Variants in FRYL observed in about 807,000 individuals in gnomAD.
FRYL encodes the protein FRY like transcription coactivator.
FRYL carries 150 observed loss-of-function variants against 351.2 expected under a neutral mutation model. That is an observed-to-expected ratio of 0.43 (90% CI 0.37 to 0.49). FRYL has a LOEUF of 0.49. FRYL is among the 20% of genes least tolerant of loss of function. The probability of loss-of-function intolerance (pLI) is 0.00; values close to 1 mark genes in which losing one functional copy is unlikely to be tolerated. For missense variants in FRYL, 3,036 were observed against 3,619.3 expected (o/e 0.84, Z 4.13); for synonymous variants, 1,153 against 1,257.1 (o/e 0.92, Z 1.75).
At chr4:48,547,828 C>T (rs2148970463) in intron 40 of FRYL, 59 bp from the exon 41 acceptor site, 3 of 1,123,484 alleles carry the variant, frequency 2.7e-6, no homozygotes, top group East Asian at 2.6e-5. Flanking sequence ...ATTCTTACTA[C>T]CAAACTCACA....
chr4:48,645,355 C>T (rs1756257841), intron 3 of FRYL, among the ~76,000 whole-genome samples: 1 of 151,858 alleles, frequency 6.6e-6, no homozygotes, highest in Admixed American at 6.6e-5. Context: ...GCTCTCTGTG[C>T]AACCTTCTGA....
chr4:48,710,234 A>C (rs1302622099), intron 2 of FRYL, among the ~76,000 whole-genome samples: 4 of 152,380 alleles, frequency 2.6e-5, no homozygotes, highest in African/African-American at 7.2e-5. Flanking sequence ...TAGGTAAGAC[A>C]GTAACAAGAT....
chr4:48,571,579 G>A (rs574790219), intron 26 of FRYL: 67 of 839,962 alleles, frequency 8.0e-5, no homozygotes, highest in Non-Finnish European at 9.0e-5. Flanking sequence ...ATATTACAGA[G>A]CAAATTAAAA....
At chr4:48,671,929 C>A (rs1762832151) in intron 3 of FRYL, among the ~76,000 whole-genome samples, 1 of 145,106 alleles carries the variant, frequency 6.9e-6, no homozygotes, top group Non-Finnish European at 1.5e-5. Flanking sequence ...TTTCAAGCCC[C>A]ATTAACTGTC....
chr4:48,774,413 T>G (rs1447134191), intron 1 of FRYL, among the ~76,000 whole-genome samples: 1 of 152,196 alleles, frequency 6.6e-6, no homozygotes, highest in Non-Finnish European at 1.5e-5. Context: ...TCACTGACAG[T>G]GTTACATGGT....
intron 3 of FRYL, among the ~76,000 whole-genome samples, chr4:48,644,158 T>C (rs1755898704): frequency 6.6e-6 from 1 of 152,070 alleles, no homozygotes; most frequent in Non-Finnish European, 1.5e-5. Flanking sequence ...GTCAGGCTGA[T>C]CTCGAACTCC....
chr4:48,521,167 A>C lies in FRYL; in HGVS notation c.7570T>G (p.Leu2524Val). The C allele has an allele frequency of 6.2e-7, 1 of 1,613,632 alleles. No individual in the cohort carries two copies. The highest frequency in any genetic ancestry group is 8.5e-7 in the Non-Finnish European group (1 of 1,179,624). ...GTGGAATCTTCAGACTGGAGAAGTA[A>C]GTCAGGATGGTCTGGTATTGTTTCA... is the stretch of plus-strand genomic sequence containing the variant. ...TDETIPDHPD[L>V]LLQSEDSTGS... The change falls in exon 55 of 64, where the codon TTA becomes GTA. Residue 2524 changes from leucine to valine, a missense_variant. Leu to Val is a conservative substitution (Grantham distance 32, BLOSUM62 1). This residue lies in a region of FRYL where 1,987 missense variants were observed against 2,311.7 expected (regional missense o/e 0.86). Coordinates refer to ENST00000358350, the MANE Select transcript of FRYL (RefSeq NM_015030.2).
intron 56 of FRYL, among the ~76,000 whole-genome samples, chr4:48,513,420 A>G (rs1297338618): frequency 6.6e-6 from 1 of 152,222 alleles, no homozygotes; most frequent in Non-Finnish European, 1.5e-5. Flanking sequence ...ATAATCCCTA[A>G]AGTCAGATTA....
At chr4:48,538,931 A>G (rs1729499363) in intron 47 of FRYL, among the ~76,000 whole-genome samples, 1 of 152,190 alleles carries the variant, frequency 6.6e-6, no homozygotes, top group African/African-American at 2.4e-5. Flanking sequence ...TATTTAAGCA[A>G]AAGGCAGGCT....
chr4:48,553,404 CAGAAAAGA>C, intron 35 of FRYL, 21 bp from the exon 36 acceptor site: 1 of 1,583,020 alleles, frequency 6.3e-7, no homozygotes, highest in Non-Finnish European at 8.6e-7. Context: ...AGAAATCGTT[CAGAAAAGA>C]AAAAGCAAAG....
At chr4:48,724,412 C>T (rs571225674) in intron 1 of FRYL, among the ~76,000 whole-genome samples, 68 of 152,284 alleles carry the variant, frequency 4.5e-4, no homozygotes, top group Middle Eastern at 3.4e-3. Context: ...TTGTTCAGAT[C>T]ATTGCAAATA....
At chr4:48,564,716 T>C (rs1736367157) in intron 30 of FRYL, among the ~76,000 whole-genome samples, 1 of 152,172 alleles carries the variant, frequency 6.6e-6, no homozygotes, top group Admixed American at 6.5e-5. Flanking sequence ...TCCTATAATA[T>C]AAAAAGGGAA....
chr4:48,603,339 A>T lies in FRYL; in HGVS notation c.884T>A (p.Met295Lys). ...CAGTTCAAAAGTAGTCTGATAAAGC[A>T]TCTCCACAAAATTTTTCAAACAGGG... is the stretch of plus-strand genomic sequence containing the variant. ...NVPCLKNFVE[M>K]LYQTTFELSS... is the part of the protein sequence containing the mutation. Residue 295 changes from methionine (M) to lysine (K), a missense_variant, in exon 12 of 64, where the codon ATG (methionine) becomes AAG (lysine). Met to Lys is a moderately conservative substitution (Grantham distance 95). Around this residue, in one of 7 missense-constraint regions of FRYL, gnomAD observed 457 missense variants for 566.6 expected, o/e 0.81. Transcript: ENST00000358350. 1 of 1,612,952 alleles carries T rather than the reference A, an allele frequency of 6.2e-7. No individual in the cohort carries two copies. Among genetic ancestry groups the T allele is most frequent in the Non-Finnish European group, 8.5e-7 (1 of 1,179,508 alleles).
intron 1 of FRYL, among the ~76,000 whole-genome samples, chr4:48,711,850 G>A (rs1224859634): frequency 2.0e-5 from 3 of 152,110 alleles, no homozygotes; most frequent in Non-Finnish European, 4.4e-5. Flanking sequence ...CACACGGCCG[G>A]GTACTCCTCT....
At chr4:48,751,884 G>A (rs1270510662) in intron 1 of FRYL, among the ~76,000 whole-genome samples, 1 of 150,674 alleles carries the variant, frequency 6.6e-6, no homozygotes, top group Non-Finnish European at 1.5e-5. Context: ...ACCTGATTAG[G>A]AGCCCCTCCC....
intron 60 of FRYL, among the ~76,000 whole-genome samples, chr4:48,505,010 G>C (rs1361411063): frequency 6.6e-6 from 1 of 152,094 alleles, no homozygotes; most frequent in Non-Finnish European, 1.5e-5. Context: ...GGAATAATTT[G>C]TAGGCCCTAA....
chr4:48,582,046 G>T (rs764390513), intron 20 of FRYL, among the ~76,000 whole-genome samples: 59 of 151,998 alleles, frequency 3.9e-4, no homozygotes, highest in Non-Finnish European at 5.1e-4. Flanking sequence ...CAATGGCTCG[G>T]GTCTAAAATT....
chr4:48,622,181 T>TA (rs943584015), intron 5 of FRYL, among the ~76,000 whole-genome samples: 4 of 152,334 alleles, frequency 2.6e-5, no homozygotes, highest in African/African-American at 9.6e-5. Context: ...AAATTGTCCT[T>TA]AAAATGTTGT....
chr4:48,609,712 A>G (rs748983005), intron 8 of FRYL, 32 bp downstream of exon 8: 5 of 1,131,204 alleles, frequency 4.4e-6, no homozygotes, highest in Non-Finnish European at 6.5e-6. Flanking sequence ...TTGCAAAAAA[A>G]GGCAACAATC....
Sources: gnomAD v4.1 joint callset for allele counts (sites outside exome capture counted in the v4.1 genomes callset) on GRCh38, gnomAD v4.1.1 for gene constraint, gnomAD v4.1.1 regional missense constraint, MANE v1.5 for transcripts, NCBI Gene and HGNC (gene_info 2026-07-23, HGNC 2026-07-21) for gene names.